The following ADGRB3 variants were observed in gnomAD, a reference collection of about 807,000 sequenced individuals.
ADGRB3 encodes brain-specific angiogenesis inhibitor 3.
A neutral mutation model predicts 193.4 loss-of-function variants in ADGRB3; 37 were observed. The ratio of observed to expected loss-of-function variants is 0.19; its 90% confidence interval spans 0.15 to 0.25. The LOEUF (loss-of-function observed/expected upper bound fraction) is 0.25, where lower values mean the gene tolerates loss of function less well. Ranked by LOEUF, ADGRB3 falls within the 10% of genes least tolerant of loss-of-function variation. The pLI, the probability that ADGRB3 is intolerant of heterozygous loss-of-function variation, is 1.00. For synonymous variants in ADGRB3, 690 were observed against 644.2 expected (o/e 1.07, Z -1.08); for missense variants, 1,637 against 1,852.9 (o/e 0.88, Z 2.14).
chr6:68,921,297 G>A (rs188742988), intron 3 of ADGRB3, among the ~76,000 whole-genome samples: 9 of 152,216 alleles, frequency 5.9e-5, no homozygotes, highest in Admixed American at 6.5e-5. Context: ...ACACTAAGGG[G>A]CTGAAAATAA....
At chr6:69,030,059 A>G (rs550897042) in intron 13 of ADGRB3, among the ~76,000 whole-genome samples, 3 of 151,944 alleles carry the variant, frequency 2.0e-5, no homozygotes, top group South Asian at 2.1e-4. Context: ...CAAAACCACA[A>G]TGAGATACCA....
At chr6:68,739,150 T>C (rs557122919) in intron 3 of ADGRB3, among the ~76,000 whole-genome samples, 1 of 152,292 alleles carries the variant, frequency 6.6e-6, no homozygotes, top group South Asian at 2.1e-4. Context: ...CCAACAATAC[T>C]TTACCTCTGG....
intron 3 of ADGRB3, among the ~76,000 whole-genome samples, chr6:68,916,882 G>A (rs1320091303): frequency 2.6e-5 from 4 of 152,158 alleles, no homozygotes; most frequent in African/African-American, 9.7e-5. Context: ...ACGAGACAGG[G>A]TAAAGAGTTT....
intron 20 of ADGRB3, among the ~76,000 whole-genome samples, chr6:69,312,704 T>G (rs930116815): frequency 6.6e-6 from 1 of 151,696 alleles, no homozygotes; most frequent in Non-Finnish European, 1.5e-5. Flanking sequence ...AAAAATACAT[T>G]TTATTGTTCA....
intron 3 of ADGRB3, among the ~76,000 whole-genome samples, chr6:68,801,942 A>G (rs548100784): frequency 4.3e-4 from 65 of 152,310 alleles, no homozygotes; most frequent in African/African-American, 1.5e-3. Flanking sequence ...TGAGACTTAG[A>G]GGAGATTGAA....
chr6:69,313,788 A>G (rs1259311249), intron 20 of ADGRB3, among the ~76,000 whole-genome samples: 3 of 151,776 alleles, frequency 2.0e-5, no homozygotes, highest in Non-Finnish European at 4.4e-5. Flanking sequence ...TGTATTTATC[A>G]TGTACAACAT....
At chr6:68,882,929 T>C (rs1765773788) in intron 3 of ADGRB3, among the ~76,000 whole-genome samples, 1 of 152,152 alleles carries the variant, frequency 6.6e-6, no homozygotes, top group African/African-American at 2.4e-5. Context: ...AGTCTTGGTC[T>C]GTCGCCCAGG....
At position 68,969,441 on chromosome 6, in the gene ADGRB3, G is replaced by A. The variant is rs143639415; in HGVS notation, c.1526-5322G>A. Among the ~76,000 whole-genome samples, 255 of 152,268 alleles carry A rather than the reference G, an allele frequency of 1.7e-3. No individual in the cohort carries two copies. In the Middle Eastern group the frequency reaches 0.017, roughly 10 times the overall value. ...AATATGAGCCGTGATGGGAATGGTAGGCTACAGCCCTTATGAGCAGGGCCT... is the reference window on the plus strand; with the variant it reads ...AATATGAGCCGTGATGGGAATGGTAAGCTACAGCCCTTATGAGCAGGGCCT... On this transcript the variant is annotated intron_variant, in intron 8 of 31. Transcript: ENST00000370598.
At chr6:68,667,334 A>G (rs754573683) in intron 3 of ADGRB3, among the ~76,000 whole-genome samples, 16 of 151,996 alleles carry the variant, frequency 1.1e-4, no homozygotes, top group South Asian at 2.1e-4. Context: ...CATCAAAGCT[A>G]CCTGGTGGTT....
At chr6:68,990,203 A>G (rs1464887547) in intron 10 of ADGRB3, among the ~76,000 whole-genome samples, 3 of 151,534 alleles carry the variant, frequency 2.0e-5, no homozygotes, top group African/African-American at 7.3e-5. Context: ...GTGAAAGGGT[A>G]GACATAAGGC....
At chr6:68,807,985 A>C (rs560638504) in intron 3 of ADGRB3, among the ~76,000 whole-genome samples, 1 of 152,160 alleles carries the variant, frequency 6.6e-6, no homozygotes, top group Non-Finnish European at 1.5e-5. Context: ...TAACTTTAAT[A>C]TCTTTTTACA....
chr6:68,793,347 C>G (rs1322698067), intron 3 of ADGRB3, among the ~76,000 whole-genome samples: 1 of 152,058 alleles, frequency 6.6e-6, no homozygotes, highest in Non-Finnish European at 1.5e-5. Flanking sequence ...CCAAGTAATG[C>G]TATTCTACAT....
At chr6:69,377,225 AG>A (rs1769845086) in intron 30 of ADGRB3, among the ~76,000 whole-genome samples, 2 of 152,068 alleles carry the variant, frequency 1.3e-5, no homozygotes, top group Non-Finnish European at 2.9e-5. Context: ...AGAAAATGGT[AG>A]CCCAGAGTAT....
chr6:68,953,198 A>G (rs1372651074), intron 6 of ADGRB3, among the ~76,000 whole-genome samples: 1 of 152,142 alleles, frequency 6.6e-6, no homozygotes, highest in Non-Finnish European at 1.5e-5. Context: ...TCTCTTTGCC[A>G]GAAAACATAT....
At chr6:68,809,311 T>C (rs1767466629) in intron 3 of ADGRB3, among the ~76,000 whole-genome samples, 1 of 152,188 alleles carries the variant, frequency 6.6e-6, no homozygotes, top group Non-Finnish European at 1.5e-5. Context: ...TTAAGGTGCA[T>C]AGGTATAACC....
At chr6:68,885,533 A>C (rs573200759) in intron 3 of ADGRB3, among the ~76,000 whole-genome samples, 10 of 152,282 alleles carry the variant, frequency 6.6e-5, no homozygotes, top group African/African-American at 2.4e-4. Flanking sequence ...TAGACAGTAT[A>C]TATTTATCAC....
intron 3 of ADGRB3, among the ~76,000 whole-genome samples, chr6:68,909,031 G>T (rs1367219755): frequency 3.9e-5 from 6 of 152,150 alleles, no homozygotes; most frequent in Non-Finnish European, 7.4e-5. Context: ...ACCAATAAAT[G>T]GTGCCCTTTT....
rs749578717 is a variant in ADGRB3, at chr6:69,031,037, C to CTCTCTTCTCTTCTCT, written c.2107+12604_2107+12618dup. On this transcript the variant is annotated intron_variant, in intron 13 of 31. Coordinates refer to ENST00000370598, the MANE Select transcript of ADGRB3 (RefSeq NM_001704.3). ...TTTCTTTTTTTTTTCCTCTTCTCTT[C>CTCTCTTCTCTTCTCT]TCTCTTCTCTTCTCTTCTCTTCTCT... Among the ~76,000 whole-genome samples, 236 of 36,448 alleles carry CTCTCTTCTCTTCTCT rather than the reference C, an allele frequency of 6.5e-3. 5 individuals carry two copies. The highest frequency in any genetic ancestry group is 0.018 in the African/African-American group (131 of 7,332). The allele number at this position is 36,448 out of a possible 152,430, so 23.9% of individuals were successfully genotyped here.
chr6:68,836,244 C>T (rs1287156873), intron 3 of ADGRB3, among the ~76,000 whole-genome samples: 1 of 151,976 alleles, frequency 6.6e-6, no homozygotes, highest in Non-Finnish European at 1.5e-5. Flanking sequence ...TGCCCACACA[C>T]CTAGATCTTG....
Sources: gnomAD v4.1 joint callset for allele counts (sites outside exome capture counted in the v4.1 genomes callset) on GRCh38, gnomAD v4.1.1 for gene constraint, MANE v1.5 for transcripts, NCBI Gene and HGNC (gene_info 2026-07-23, HGNC 2026-07-21) for gene names.